Variants in MTAP observed in about 807,000 individuals in gnomAD.
MTAP encodes methylthioadenosine phosphorylase, also known as S-methyl-5'-thioadenosine phosphorylase.
MTAP carries 33 observed loss-of-function variants against 33.6 expected under a neutral mutation model. That is an observed-to-expected ratio of 0.98 (90% CI 0.74 to 1.31). The LOEUF is 1.31. Among genes scored for constraint, MTAP ranks in the 40% most tolerant of loss-of-function variants. MTAP has a pLI of 0.00. For missense variants in MTAP, 367 were observed against 360.0 expected, an observed-to-expected ratio of 1.02 and a Z score of -0.16; for synonymous variants, 148 against 125.7, an observed-to-expected ratio of 1.18 and a Z score of -1.19.
intron 1 of MTAP, chr9:21,930,182 A>G: frequency 2.8e-6 from 1 of 356,734 alleles, no homozygotes; most frequent in South Asian, 2.5e-5. Flanking sequence ...GGGAAAATGA[A>G]ACCAAGGGAG....
Position 21,862,251 on chromosome 9 carries a change from C to A in MTAP, c.*237C>A. 9.5e-7 allele frequency: 1 copy of A among 1,048,092 alleles called. No individual in the cohort carries two copies. Among genetic ancestry groups the A allele is most frequent in the Non-Finnish European group, 1.2e-6 (1 of 810,548 alleles). The allele number at this position is 1,048,092 out of a possible 1,614,324, so 64.9% of individuals were successfully genotyped here. On this transcript the variant is annotated 3_prime_UTR_variant, in exon 8 of 8. Transcript: ENST00000644715. ...AGTAAACATGTGGGAAAAAATATTACATTTTAAGGGGGAAAAAAAAACCCA... is the reference window on the plus strand; with the variant it reads ...AGTAAACATGTGGGAAAAAATATTAAATTTTAAGGGGGAAAAAAAAACCCA...
intron 1 of MTAP, among the ~76,000 whole-genome samples, chr9:21,872,771 G>A (rs965955015): frequency 6.6e-6 from 1 of 152,194 alleles, no homozygotes; most frequent in Admixed American, 6.5e-5. Context: ...AGAAAAGAGA[G>A]AAGTAGAAAC....
chr9:21,917,094 A>T (rs1230302904), intron 1 of MTAP, among the ~76,000 whole-genome samples: 1 of 152,232 alleles, frequency 6.6e-6, no homozygotes, highest in African/African-American at 2.4e-5. Context: ...CAAGACTTTT[A>T]ATCTAAACTA....
intron 1 of MTAP, chr9:21,809,049 CT>C: frequency 6.6e-6 from 1 of 152,322 alleles, no homozygotes; most frequent in Non-Finnish European, 1.5e-5. Context: ...ATTTCCTTGC[CT>C]TTTTCAGCTT....
intron 1 of MTAP, among the ~76,000 whole-genome samples, chr9:21,896,081 C>A (rs954405714): frequency 6.6e-5 from 10 of 152,200 alleles, no homozygotes; most frequent in African/African-American, 2.4e-4. Context: ...ACAGTGCAAT[C>A]AAACTAGAAC....
At chr9:21,837,855 A>T in intron 4 of MTAP, 53 bp from the exon 5 acceptor site, 1 of 1,487,060 alleles carries the variant, frequency 6.7e-7, no homozygotes, top group Non-Finnish European at 9.3e-7. Flanking sequence ...CGGAGGATGG[A>T]AAGATGGCCT....
At chr9:21,928,639 G>A (rs1241712801) in intron 1 of MTAP, among the ~76,000 whole-genome samples, 2 of 152,094 alleles carry the variant, frequency 1.3e-5, no homozygotes, top group African/African-American at 2.4e-5. Flanking sequence ...TAACAGGTTA[G>A]TAATGCCCTA....
chr9:21,843,307 A>G (rs1192620698), intron 5 of MTAP, among the ~76,000 whole-genome samples: 2 of 152,330 alleles, frequency 1.3e-5, no homozygotes, highest in African/African-American at 4.8e-5. Flanking sequence ...TGGTAACACA[A>G]TAATAGTGGG....
At position 21,928,583 on chromosome 9, in the gene MTAP, G is replaced by A. The variant is rs115162586; in HGVS notation, c.148-2425G>A. 3.8e-3 allele frequency among the ~76,000 whole-genome samples: 572 copies of A among 152,246 alleles called. 5 individuals are homozygous for A. The highest frequency in any genetic ancestry group is 0.012 in the African/African-American group (503 of 41,550). On this transcript the variant is annotated intron_variant, in intron 1 of 1. Coordinates refer to the MTAP transcript ENST00000577563. Reference sequence around the variant, plus strand: ...TCATTCCCTGCTTTGAACTCCCCAGGTCATTGCAGAGTGACAGTGATTCAT... The same window carrying A: ...TCATTCCCTGCTTTGAACTCCCCAGATCATTGCAGAGTGACAGTGATTCAT...
At chr9:21,931,013 C>T (rs758248826) in exon 2 of MTAP, 1 of 763,082 alleles carries the variant, frequency 1.3e-6, no homozygotes, top group Non-Finnish European at 2.4e-6. Flanking sequence ...TTTAGATGAT[C>T]AAGTTCCAGA....
At chr9:21,834,264 A>G (rs1380130394) in intron 4 of MTAP, among the ~76,000 whole-genome samples, 1 of 152,216 alleles carries the variant, frequency 6.6e-6, no homozygotes. Context: ...ACTGAGGTGC[A>G]GAGAGACGAG....
At chr9:21,874,901 G>T (rs911152960) in intron 1 of MTAP, among the ~76,000 whole-genome samples, 2 of 151,908 alleles carry the variant, frequency 1.3e-5, no homozygotes, top group Admixed American at 6.6e-5. Flanking sequence ...GTGTCCATGT[G>T]TTCTTATTGT....
In MTAP at chr9:21,849,257, A is replaced by G. The variant is rs532130539; in HGVS notation, c.451-5374A>G. ...CCGTCCTTCCCCAAGGAGACCTCCG[A>G]CCTTTTACCAGGGTAACTGTGCACT... On this transcript the variant is annotated intron_variant, in intron 5 of 7. Coordinates refer to ENST00000644715, the MANE Select transcript of MTAP (RefSeq NM_002451.4). Among the ~76,000 whole-genome samples, 4 of 152,246 alleles carry G rather than the reference A, an allele frequency of 2.6e-5. No individual in the cohort carries two copies. The East Asian group carries it at 7.7e-4, about 29-fold the overall frequency.
chr9:21,936,007 A>G (rs1394119406), downstream of MTAP: 1 of 152,212 alleles, frequency 6.6e-6, no homozygotes, highest in African/African-American at 2.4e-5. Flanking sequence ...TGATGCAAAT[A>G]AAGACAATTA....
chr9:21,920,740 G>A (rs1458344279), intron 1 of MTAP, among the ~76,000 whole-genome samples: 1 of 152,054 alleles, frequency 6.6e-6, no homozygotes, highest in Non-Finnish European at 1.5e-5. Context: ...GTATTAATCT[G>A]GAAATATTTA....
chr9:21,912,008 C>A (rs376777237), intron 1 of MTAP, among the ~76,000 whole-genome samples: 2 of 152,098 alleles, frequency 1.3e-5, no homozygotes, highest in Non-Finnish European at 2.9e-5. Context: ...AACACCTCTA[C>A]GCAAATAAAC....
chr9:21,875,902 T>C (rs1489931514), intron 1 of MTAP, among the ~76,000 whole-genome samples: 1 of 152,128 alleles, frequency 6.6e-6, no homozygotes, highest in African/African-American at 2.4e-5. Context: ...AGTAATGAGA[T>C]TGCTGGGTCA....
In MTAP at chr9:21,818,031, A is replaced by G. The variant is rs376421389; in HGVS notation, c.180-4A>G. 7.5e-6 allele frequency: 12 copies of G among 1,605,976 alleles called. No individual in the cohort carries two copies. The highest frequency in any genetic ancestry group is 1.7e-4 in the Middle Eastern group (1 of 6,052). On this transcript the variant is annotated splice_region_variant and splice_polypyrimidine_tract_variant and intron_variant, in intron 3 of 7. Transcript: ENST00000644715. ...GGTTAACAATTTCTTCTCTCCTTCC[A>G]TAGGCATGGAAGGCAGCACACCATC... is the stretch of plus-strand genomic sequence containing the variant.
chr9:21,818,301 G>T lies in MTAP; in HGVS notation c.347+99G>T, dbSNP rs1587205508. On this transcript the variant is annotated intron_variant, in intron 4 of 7. Transcript: ENST00000644715. ...CCGGCAGGGCAACTGGGAGGGCAGT[G>T]CCACAGACTCGCTTGCTTTTTTTTT... 1.7e-5 allele frequency: 11 copies of T among 661,430 alleles called. No homozygotes were observed. The East Asian group carries it at 4.3e-4, about 26-fold the overall frequency. 41.0% of individuals were successfully genotyped at this position (661,430 alleles called of 1,614,324 possible).
Sources: allele counts gnomAD v4.1 joint callset (sites outside exome capture counted in the v4.1 genomes callset), GRCh38; gene constraint gnomAD v4.1.1; transcripts MANE v1.5; gene names NCBI Gene and HGNC (gene_info 2026-07-23, HGNC 2026-07-21).